RCAN2: variants seen among roughly 807,000 people sequenced by gnomAD.
RCAN2 encodes the protein calcipressin-2.
In RCAN2, 9 loss-of-function variants were observed where a neutral mutation model predicts 23.6. That is an observed-to-expected ratio of 0.38 (90% CI 0.23 to 0.67). RCAN2 has a LOEUF of 0.67. RCAN2 is among the 30% of genes least tolerant of loss of function. The pLI is 0.51. For synonymous variants in RCAN2, 109 were observed against 115.7 expected (o/e 0.94, Z 0.37); for missense variants, 273 against 302.3 (o/e 0.90, Z 0.72).
intron 2 of RCAN2, among the ~76,000 whole-genome samples, chr6:46,365,766 A>G (rs1298495952): frequency 1.3e-5 from 2 of 152,210 alleles, no homozygotes; most frequent in Non-Finnish European, 2.9e-5. Context: ...ATCATCAGGT[A>G]TCTTGCTCTT....
At chr6:46,401,347 C>G (rs1426901344) in intron 2 of RCAN2, among the ~76,000 whole-genome samples, 1 of 152,160 alleles carries the variant, frequency 6.6e-6, no homozygotes, top group East Asian at 1.9e-4. Flanking sequence ...CACCCCTGGG[C>G]CTTTGTCAGG....
chr6:46,227,508 T>A (rs1399929380), intron 4 of RCAN2, among the ~76,000 whole-genome samples: 1 of 151,634 alleles, frequency 6.6e-6, no homozygotes, highest in Non-Finnish European at 1.5e-5. Flanking sequence ...TCTGTTTAAG[T>A]CTTGGGAGGG....
intron 1 of RCAN2, among the ~76,000 whole-genome samples, chr6:46,474,003 G>A (rs747134427): frequency 6.6e-6 from 1 of 152,192 alleles, no homozygotes; most frequent in Non-Finnish European, 1.5e-5. Context: ...CTCATCCTGA[G>A]TGGGTGGTGG....
At chr6:46,485,708 A>G (rs1293351436) in intron 1 of RCAN2, among the ~76,000 whole-genome samples, 1 of 151,828 alleles carries the variant, frequency 6.6e-6, no homozygotes, top group African/African-American at 2.4e-5. Flanking sequence ...CCTTTCCTCA[A>G]CCTTGGCTTT....
In RCAN2 at chr6:46,249,479, C is replaced by T. The variant is rs180736232; in HGVS notation, c.226-583G>A. Among the ~76,000 whole-genome samples, 309 of 151,276 alleles carry T rather than the reference C, an allele frequency of 2.0e-3. 3 individuals carry two copies. The highest frequency in any genetic ancestry group is 7.4e-3 in the African/African-American group (303 of 41,146). ...GATTACAGGCATGTGCCACCACACC[C>T]AGCTAATTTTTGTATTTTTTAGTAG... On this transcript the variant is annotated intron_variant, in intron 2 of 4. Coordinates refer to ENST00000371374, the MANE Select transcript of RCAN2 (RefSeq NM_001251974.2).
intron 2 of RCAN2, among the ~76,000 whole-genome samples, chr6:46,424,747 G>T (rs1435150139): frequency 1.3e-5 from 2 of 152,058 alleles, no homozygotes; most frequent in Admixed American, 6.6e-5. Context: ...AAACAGAATG[G>T]AGATAATGTA....
At chr6:46,246,237 C>G (rs546101873) in intron 4 of RCAN2, among the ~76,000 whole-genome samples, 1 of 152,278 alleles carries the variant, frequency 6.6e-6, no homozygotes, top group South Asian at 2.1e-4. Context: ...AACAAAGTGA[C>G]TAAGATTTTT....
chr6:46,434,976 C>G (rs1767326870), intron 2 of RCAN2, among the ~76,000 whole-genome samples: 1 of 152,184 alleles, frequency 6.6e-6, no homozygotes, highest in African/African-American at 2.4e-5. Context: ...AGAAGTTGTG[C>G]ACCTCCCATA....
rs534428153 is a variant in RCAN2 at position 46,350,574 on chromosome 6, G to A, written c.226-101678C>T. ...TTCTGGGCATTTGGCTCTATGTGCC[G>A]AGAATAGAAATGGTAAAACTGATCT... is the stretch of plus-strand genomic sequence containing the variant. On this transcript the variant is annotated intron_variant, in intron 2 of 4. Transcript: ENST00000371374. Among the ~76,000 whole-genome samples the A allele has an allele frequency of 4.6e-5, 7 of 152,288 alleles. No individual in the cohort carries two copies. The East Asian group carries it at 1.4e-3, about 29-fold the overall frequency.
intron 2 of RCAN2, among the ~76,000 whole-genome samples, chr6:46,421,833 G>C (rs975336034): frequency 6.6e-6 from 1 of 151,980 alleles, no homozygotes; most frequent in African/African-American, 2.4e-5. Context: ...TTCATAATAG[G>C]TACTCAATAA....
chr6:46,378,360 T>C (rs997641811), intron 2 of RCAN2, among the ~76,000 whole-genome samples: 1 of 152,238 alleles, frequency 6.6e-6, no homozygotes, highest in Non-Finnish European at 1.5e-5. Context: ...GCAAAGCTTA[T>C]GAATACCTGG....
intron 2 of RCAN2, among the ~76,000 whole-genome samples, chr6:46,455,853 T>C (rs1436664156): frequency 7.2e-6 from 1 of 138,164 alleles, no homozygotes; most frequent in Non-Finnish European, 1.5e-5. Flanking sequence ...CGAGATTCCG[T>C]TAAAAAAAAA....
rs866217504 is a variant in RCAN2, at chr6:46,365,332, T to C, written c.225+91420A>G. On this transcript the variant is annotated intron_variant, in intron 2 of 4. Coordinates refer to ENST00000371374, the MANE Select transcript of RCAN2 (RefSeq NM_001251974.2). ...CTCTACTAAAAATACAACAATTAGC[T>C]GGGCGTGGTGGTGGGCACCTGTAAC... Among the ~76,000 whole-genome samples the C allele has an allele frequency of 6.6e-5, 10 of 151,776 alleles. No homozygotes were observed. The South Asian group carries it at 1.9e-3, about 28-fold the overall frequency.
chr6:46,320,166 T>C (rs1343776800), intron 2 of RCAN2, among the ~76,000 whole-genome samples: 1 of 152,320 alleles, frequency 6.6e-6, no homozygotes, highest in Non-Finnish European at 1.5e-5. Context: ...TGCAGAGCCA[T>C]AGGTCATGAT....
intron 2 of RCAN2, among the ~76,000 whole-genome samples, chr6:46,279,097 T>C (rs1455233852): frequency 6.8e-6 from 1 of 147,948 alleles, no homozygotes; most frequent in African/African-American, 2.7e-5. Context: ...CTTGAATAGG[T>C]ACTAAATTTT....
chr6:46,240,796 C>A (rs564728668), intron 4 of RCAN2, among the ~76,000 whole-genome samples: 280 of 152,184 alleles, frequency 1.8e-3, no homozygotes, highest in Admixed American at 3.9e-3. Context: ...AATATCTTTT[C>A]CCATTGGGGA....
intron 1 of RCAN2, among the ~76,000 whole-genome samples, chr6:46,460,585 G>A (rs1004052422): frequency 1.8e-5 from 2 of 109,620 alleles, no homozygotes; most frequent in Non-Finnish European, 4.1e-5. Context: ...AGCTCCCTGA[G>A]CACCTGCACA....
rs115714844 is a variant in RCAN2, at chr6:46,315,354, T to C, written c.226-66458A>G. On this transcript the variant is annotated intron_variant, in intron 2 of 4. Coordinates refer to ENST00000371374, the MANE Select transcript of RCAN2 (RefSeq NM_001251974.2). ...ATACATGAACACACAATACAACATC[T>C]TGTGATTGTGTTGAAAGACAAGGCA... 8.0e-4 allele frequency among the ~76,000 whole-genome samples: 121 copies of C among 152,094 alleles called. 1 individual carries two copies. Among genetic ancestry groups the C allele is most frequent in the Middle Eastern group, 3.4e-3 (1 of 294 alleles).
At chr6:46,228,542 A>C (rs952975732) in intron 4 of RCAN2, among the ~76,000 whole-genome samples, 8 of 151,842 alleles carry the variant, frequency 5.3e-5, no homozygotes, top group African/African-American at 1.7e-4. Context: ...CCTTCTTTGT[A>C]TCTTTTGGTC....
Sources: gnomAD v4.1 joint callset for allele counts (sites outside exome capture counted in the v4.1 genomes callset) on GRCh38, gnomAD v4.1.1 for gene constraint, MANE v1.5 for transcripts, NCBI Gene and HGNC (gene_info 2026-07-23, HGNC 2026-07-21) for gene names.